The following RABGAP1L variants were observed in gnomAD, a reference collection of about 807,000 sequenced individuals.
RABGAP1L encodes RAB GTPase activating protein 1 like, also known as rab GTPase-activating protein 1-like.
In RABGAP1L, 63 loss-of-function variants were observed where a neutral mutation model predicts 137.7. The observed-to-expected ratio is 0.46, with a 90% CI of 0.37 to 0.56. The LOEUF (loss-of-function observed/expected upper bound fraction) is 0.56. Ranked by LOEUF, RABGAP1L falls within the 20% of genes least tolerant of loss-of-function variation. RABGAP1L has a pLI of 0.00. For synonymous variants in RABGAP1L, 431 were observed against 433.7 expected, an observed-to-expected ratio of 0.99 and a Z score of 0.08; for missense variants, 1,095 against 1,244.0, an observed-to-expected ratio of 0.88 and a Z score of 1.80.
At chr1:174,619,159 T>C (rs1672200449) in intron 13 of RABGAP1L, among the ~76,000 whole-genome samples, 2 of 152,124 alleles carry the variant, frequency 1.3e-5, no homozygotes, top group Non-Finnish European at 2.9e-5. Flanking sequence ...CAAATCTACG[T>C]GTGACAGGTG....
chr1:174,525,366 T>C (rs944894197), intron 13 of RABGAP1L, among the ~76,000 whole-genome samples: 5 of 152,164 alleles, frequency 3.3e-5, no homozygotes, highest in Non-Finnish European at 7.4e-5. Flanking sequence ...ACCTTCTTGG[T>C]CAAATGTATT....
intron 19 of RABGAP1L, chr1:174,875,776 G>A: frequency 1.1e-6 from 1 of 879,784 alleles, no homozygotes; most frequent in Non-Finnish European, 1.4e-6. Context: ...TTTTTACCTG[G>A]TTAGTCAGAG....
At chr1:174,851,526 C>G (rs190290387) in intron 19 of RABGAP1L, among the ~76,000 whole-genome samples, 2 of 151,922 alleles carry the variant, frequency 1.3e-5, no homozygotes, top group African/African-American at 2.4e-5. Context: ...GTTGCCATTT[C>G]TTTCTTTTTT....
chr1:174,555,743 T>A (rs1254258289), intron 13 of RABGAP1L, among the ~76,000 whole-genome samples: 1 of 152,122 alleles, frequency 6.6e-6, no homozygotes, highest in Non-Finnish European at 1.5e-5. Context: ...TGTGTAAAGA[T>A]GATTTTGATA....
chr1:174,291,310 AG>A (rs1389984962), intron 10 of RABGAP1L, among the ~76,000 whole-genome samples: 2 of 152,074 alleles, frequency 1.3e-5, no homozygotes, highest in Non-Finnish European at 2.9e-5. Flanking sequence ...CCTTAGGAAA[AG>A]TCACCCTTGG....
intron 13 of RABGAP1L, among the ~76,000 whole-genome samples, chr1:174,556,650 A>T (rs1214507648): frequency 6.6e-6 from 1 of 152,182 alleles, no homozygotes; most frequent in East Asian, 1.9e-4. Flanking sequence ...ATTACACATT[A>T]CTTTTCTTTC....
chr1:174,748,965 T>C (rs554305621), intron 17 of RABGAP1L, among the ~76,000 whole-genome samples: 2 of 150,842 alleles, frequency 1.3e-5, no homozygotes, highest in Non-Finnish European at 3.0e-5. Flanking sequence ...TCACTTGAGG[T>C]CAAAAGTTTG....
At chr1:174,785,031 A>G (rs998320941) in intron 18 of RABGAP1L, among the ~76,000 whole-genome samples, 9 of 152,148 alleles carry the variant, frequency 5.9e-5, no homozygotes, top group African/African-American at 2.2e-4. Context: ...ACAATACAAT[A>G]TTTCCATATG....
chr1:174,767,811 G>A (rs1002529085), intron 18 of RABGAP1L, among the ~76,000 whole-genome samples: 3 of 152,094 alleles, frequency 2.0e-5, no homozygotes, highest in Non-Finnish European at 2.9e-5. Flanking sequence ...CAAAAAAAAG[G>A]GGTTTATTGG....
chr1:174,477,185 G>T (rs541948639), intron 13 of RABGAP1L, among the ~76,000 whole-genome samples: 1 of 152,280 alleles, frequency 6.6e-6, no homozygotes, highest in East Asian at 1.9e-4. Flanking sequence ...GTTAATACTG[G>T]ATAGGCTGCT....
intron 11 of RABGAP1L, among the ~76,000 whole-genome samples, chr1:174,315,655 T>C (rs984223482): frequency 2.6e-5 from 4 of 151,020 alleles, no homozygotes; most frequent in African/African-American, 4.9e-5. Flanking sequence ...GGTTTTGCCA[T>C]GTTGCCCATG....
In RABGAP1L at chr1:174,939,440, C is replaced by T. The variant is rs79206353; in HGVS notation, c.2341-18017C>T. Reference sequence around the variant, plus strand: ...GGGTGTGGTGGTGCGTGCCTGTTACCATCTACTTGGGAGGCTGAGGCAGAA... The same window carrying T: ...GGGTGTGGTGGTGCGTGCCTGTTACTATCTACTTGGGAGGCTGAGGCAGAA... On this transcript the variant is annotated intron_variant, in intron 19 of 25. Coordinates refer to ENST00000681986, the MANE Select transcript of RABGAP1L (RefSeq NM_001366446.1). Among the ~76,000 whole-genome samples, 4 of 151,392 alleles carry T rather than the reference C, an allele frequency of 2.6e-5. No homozygotes were observed. In the South Asian group the frequency reaches 6.2e-4, roughly 24 times the overall value.
rs549349669 is a variant in RABGAP1L, at chr1:174,308,673, A to G, written c.1465+3546A>G. Among the ~76,000 whole-genome samples the G allele has an allele frequency of 6.6e-5, 10 of 152,164 alleles. No individual in the cohort carries two copies. The South Asian group carries it at 1.7e-3, about 25-fold the overall frequency. Reference sequence around the variant, plus strand: ...TGTATGTTCTTGGCACCTTTGTTGAATGCCAGTTGGCTCTAAATACATGGA... The same window carrying G: ...TGTATGTTCTTGGCACCTTTGTTGAGTGCCAGTTGGCTCTAAATACATGGA... On this transcript the variant is annotated intron_variant, in intron 11 of 25. Transcript: ENST00000681986.
intron 13 of RABGAP1L, among the ~76,000 whole-genome samples, chr1:174,510,437 A>G (rs1662227400): frequency 6.6e-6 from 1 of 152,360 alleles, no homozygotes; most frequent in Non-Finnish European, 1.5e-5. Context: ...GATACATTTC[A>G]TGAGACTCAC....
intron 1 of RABGAP1L, among the ~76,000 whole-genome samples, chr1:174,174,195 TACACACACACACACACAC>T (rs56864336): frequency 4.8e-5 from 7 of 145,680 alleles, no homozygotes; most frequent in Middle Eastern, 3.5e-3. Context: ...GGAAAAAAAA[TACACACACACACACACAC>T]ACACACACAC....
intron 14 of RABGAP1L, among the ~76,000 whole-genome samples, chr1:174,671,092 T>C (rs569126691): frequency 6.6e-6 from 1 of 152,170 alleles, no homozygotes; most frequent in Non-Finnish European, 1.5e-5. Context: ...TGTAGATGTT[T>C]TAAATGGAAT....
intron 13 of RABGAP1L, among the ~76,000 whole-genome samples, chr1:174,492,866 T>A (rs1356782577): frequency 6.6e-6 from 1 of 152,098 alleles, no homozygotes; most frequent in Non-Finnish European, 1.5e-5. Context: ...CTGCCTTTCC[T>A]TCCCCTCTTC....
intron 13 of RABGAP1L, chr1:174,449,236 G>A (rs1254279173): frequency 2.0e-6 from 3 of 1,499,506 alleles, no homozygotes; most frequent in African/African-American, 1.4e-5. Context: ...TCTGACAGTG[G>A]TTTTGGATCA....
At chr1:174,342,012 T>A (rs1682018251) in intron 11 of RABGAP1L, among the ~76,000 whole-genome samples, 1 of 152,164 alleles carries the variant, frequency 6.6e-6, no homozygotes. Context: ...ACTTAATTTT[T>A]AAAATCTTTC....
Sources: allele counts gnomAD v4.1 joint callset (sites outside exome capture counted in the v4.1 genomes callset), GRCh38; gene constraint gnomAD v4.1.1; transcripts MANE v1.5; gene names NCBI Gene and HGNC (gene_info 2026-07-23, HGNC 2026-07-21).